The following VPS16 variants were observed in gnomAD, a reference collection of about 807,000 sequenced individuals.
VPS16 encodes the protein vacuolar protein sorting-associated protein 16 homolog.
VPS16 carries 82 observed loss-of-function variants against 116.0 expected under a neutral mutation model. That is an observed-to-expected ratio of 0.71 (90% CI 0.59 to 0.85). The LOEUF is 0.85. Ranked by LOEUF, VPS16 falls within the 40% of genes least tolerant of loss-of-function variation. The pLI is 0.00. For missense variants in VPS16, 928 were observed against 1,090.6 expected (o/e 0.85, Z 2.10); for synonymous variants, 406 against 420.7 (o/e 0.96, Z 0.43).
In VPS16 at chr20:2,865,792, G is replaced by A; in HGVS notation, c.2271+297G>A. The A allele has an allele frequency of 2.0e-6, 1 of 492,346 alleles. No homozygotes were observed. The highest frequency in any genetic ancestry group is 3.7e-6 in the Non-Finnish European group (1 of 273,418). 30.5% of individuals were successfully genotyped at this position (492,346 alleles called of 1,614,324 possible). A position where few individuals can be genotyped will look rare whatever the true frequency, so the allele number is the denominator to read the frequency against. On this transcript the variant is annotated intron_variant, in intron 22 of 23. Transcript: ENST00000380445. This position sits in a 1 kb window ranked among gnomAD's most constrained non-coding sequence, Gnocchi z 5.2. ...AGGGAAAGTCTTGTCTGAGGAGGGTGGAGGGGGCACAGGGAGGGTGCATAT... is the reference window on the plus strand; with the variant it reads ...AGGGAAAGTCTTGTCTGAGGAGGGTAGAGGGGGCACAGGGAGGGTGCATAT...
chr20:2,845,007 G>GTTGTGT (rs1555795973), intron 1 of VPS16, among the ~76,000 whole-genome samples: 2 of 144,014 alleles, frequency 1.4e-5, no homozygotes, highest in Non-Finnish European at 3.0e-5. Context: ...ATTTGCAAGG[G>GTTGTGT]GTGTGTGTGT....
In VPS16 at chr20:2,860,338, G is replaced by C. The variant is rs1231698551; in HGVS notation, c.340G>C (p.Asp114His). Residue 114 changes from aspartate to histidine, a missense_variant, in exon 4 of 24, where the codon GAC becomes CAC. Coordinates refer to ENST00000380445, the MANE Select transcript of VPS16 (RefSeq NM_022575.4). This position sits in a 1 kb window ranked among gnomAD's most constrained non-coding sequence, Gnocchi z 6.1. The stretch of plus-strand genomic sequence containing the variant: ...TGTACTGGTTTATGGGCTTCATGGT[G>C]ACTTCCGGAGACACTTCAGCATGGG... ...GAVLVYGLHG[D>H]FRRHFSMGNE... is the part of the protein sequence containing the mutation. 4.3e-6 allele frequency: 7 copies of C among 1,614,088 alleles called. No individual in the cohort carries two copies.
At chr20:2,844,678 G>A (rs1157406199) in intron 1 of VPS16, among the ~76,000 whole-genome samples, 1 of 152,208 alleles carries the variant, frequency 6.6e-6, no homozygotes, top group Non-Finnish European at 1.5e-5. Flanking sequence ...GACTCCAGGA[G>A]TCAAAGGTAG....
rs1161663582 is a variant in VPS16, at chr20:2,862,830, C to T, written c.1227C>T (p.Phe409=). 7 of 1,614,098 alleles carry T rather than the reference C, an allele frequency of 4.3e-6. No homozygotes were observed. In the South Asian group the frequency reaches 7.7e-5, roughly 18 times the overall value. ...LLRAASFGKC[F]LDRFPPDSFV... ...AGGCCGCCTCCTTCGGAAAGTGTTT[C>T]CTGGACAGATTTCCACCCGACAGCT... The change falls in exon 13 of 24, where the codon TTC becomes TTT. Residue 409 remains phenylalanine (F), a synonymous_variant. Coordinates refer to ENST00000380445, the MANE Select transcript of VPS16 (RefSeq NM_022575.4).
intron 1 of VPS16, chr20:2,841,266 G>C (rs2088970165): frequency 4.9e-6 from 1 of 204,640 alleles, no homozygotes; most frequent in Non-Finnish European, 1.0e-5. Context: ...CGGAACAGCG[G>C]AAGTGGGAAC....
chr20:2,849,628 T>G, intron 1 of VPS16, among the ~76,000 whole-genome samples: 1 of 150,864 alleles, frequency 6.6e-6, no homozygotes, highest in African/African-American at 2.5e-5. Context: ...GGGGGGTGGG[T>G]GCTGTTAGAG....
chr20:2,866,048 G>C, intron 22 of VPS16, 164 bp from the exon 23 acceptor site: 1 of 658,232 alleles, frequency 1.5e-6, no homozygotes, highest in Non-Finnish European at 2.7e-6. Context: ...AGAATGTTGA[G>C]ATCACAACTG....
chr20:2,850,823 A>C (rs1488837413), intron 1 of VPS16, among the ~76,000 whole-genome samples: 3 of 150,950 alleles, frequency 2.0e-5, no homozygotes, highest in African/African-American at 2.4e-5. Flanking sequence ...AACAAAAAAA[A>C]CAGCTGGGCA....
intron 1 of VPS16, among the ~76,000 whole-genome samples, chr20:2,841,508 C>T (rs2088974109): frequency 6.6e-6 from 1 of 152,246 alleles, no homozygotes; most frequent in African/African-American, 2.4e-5. Context: ...CGCAGAATTA[C>T]AAGGCCCTAA....
intron 1 of VPS16, among the ~76,000 whole-genome samples, chr20:2,841,739 C>T (rs1331522656): frequency 6.6e-6 from 1 of 151,366 alleles, no homozygotes; most frequent in African/African-American, 2.4e-5. Flanking sequence ...TTCTGCTAAA[C>T]CAGGCTCCTT....
In VPS16 at chr20:2,864,457, C is replaced by G. The variant is rs1265105586; in HGVS notation, c.1813C>G (p.Arg605Gly). Reference protein sequence around the residue: ...RNQPMALSLYRQFCKHQELET... With the variant: ...RNQPMALSLYGQFCKHQELET... ...TCAGCCCATGGCCCTCAGTTTGTACCGACAGGTGTGTGTAGTGGGCAGGGT... is the reference window on the plus strand; with the variant it reads ...TCAGCCCATGGCCCTCAGTTTGTACGGACAGGTGTGTGTAGTGGGCAGGGT... Residue 605 changes from arginine (R) to glycine (G), a missense_variant, in exon 18 of 24, where the codon CGA (arginine) becomes GGA (glycine). By Grantham distance (125) the Arg-to-Gly change is moderately radical. Transcript: ENST00000380445. This position sits in a 1 kb window ranked among gnomAD's most constrained non-coding sequence, Gnocchi z 5.2. 6.2e-7 allele frequency: 1 copy of G among 1,614,102 alleles called. No homozygotes were observed. The highest frequency in any genetic ancestry group is 2.2e-5 in the East Asian group (1 of 44,874).
At chr20:2,844,993 T>A (rs2089043902) in intron 1 of VPS16, among the ~76,000 whole-genome samples, 1 of 147,838 alleles carries the variant, frequency 6.8e-6, no homozygotes, top group Non-Finnish European at 1.5e-5. Context: ...GTTGATGTAA[T>A]TGGATTTGCA....
Position 2,850,120 on chromosome 20 carries a change from G to C in VPS16, c.53+9293G>C, listed in dbSNP as rs548178102. Reference sequence around the variant, plus strand: ...GTGGGTCAGCTGGGGTCAGGAGTTCGAGACCAGCCTGGCCAACATGGCAAA... The same window carrying C: ...GTGGGTCAGCTGGGGTCAGGAGTTCCAGACCAGCCTGGCCAACATGGCAAA... On this transcript the variant is annotated intron_variant, in intron 1 of 23. Coordinates refer to ENST00000380445, the MANE Select transcript of VPS16 (RefSeq NM_022575.4). 3.4e-4 allele frequency among the ~76,000 whole-genome samples: 51 copies of C among 152,210 alleles called. 1 individual carries two copies. In the South Asian group the frequency reaches 0.011, roughly 32 times the overall value.
At chr20:2,861,578 G>A (rs529007157) in intron 8 of VPS16, 37 bp from the exon 9 acceptor site, 3 of 1,575,974 alleles carry the variant, frequency 1.9e-6, no homozygotes, top group African/African-American at 1.3e-5. Context: ...CATGGCCATG[G>A]GACAGTGTCT....
rs2089252297 is a variant in VPS16 at position 2,862,866 on chromosome 20, G to A, written c.1263G>A (p.Met421Ile). 1.2e-6 allele frequency: 2 copies of A among 1,614,152 alleles called. No individual in the cohort carries two copies. Among genetic ancestry groups the A allele is most frequent in the Non-Finnish European group, 1.7e-6 (2 of 1,180,032 alleles). The change falls in exon 13 of 24, where the codon ATG (methionine) becomes ATA (isoleucine). Residue 421 changes from methionine (M) to isoleucine (I), a missense_variant. Coordinates refer to ENST00000380445, the MANE Select transcript of VPS16 (RefSeq NM_022575.4). ...TTCCACCCGACAGCTTCGTGCACAT[G>A]TGTCAGGACCTGCGTGTGCTCAATG... ...DRFPPDSFVH[M>I]CQDLRVLNAV...
At chr20:2,856,802 C>T (rs898454025) in intron 1 of VPS16, among the ~76,000 whole-genome samples, 1 of 152,162 alleles carries the variant, frequency 6.6e-6, no homozygotes, top group Non-Finnish European at 1.5e-5. Flanking sequence ...CCATCCTCTT[C>T]CATTGATCTA....
rs1438553117 is a variant in VPS16 at position 2,866,486 on chromosome 20, G to C, written c.2432G>C (p.Ser811Thr). ...AIEHRNEAEL[S>T]LVLSHCTGAT... ...GAACACCGGAATGAGGCTGAGCTGA[G>C]CCTCGTATTGTCCCACTGCACGGGA... Residue 811 changes from serine (S) to threonine (T), a missense_variant, in exon 24 of 24, where the codon AGC becomes ACC. Coordinates refer to ENST00000380445, the MANE Select transcript of VPS16 (RefSeq NM_022575.4). 1.9e-6 allele frequency: 3 copies of C among 1,614,192 alleles called. No homozygotes were observed. In the South Asian group the frequency reaches 3.3e-5, roughly 18 times the overall value.
intron 1 of VPS16, 117 bp from the exon 2 acceptor site, chr20:2,859,602 G>A (rs1269592928): frequency 1.1e-5 from 13 of 1,198,858 alleles, no homozygotes; most frequent in Non-Finnish European, 1.5e-5. Flanking sequence ...GTAGAGAGTG[G>A]AGACTTCCTC....
chr20:2,843,644 A>G (rs979589936), intron 1 of VPS16, among the ~76,000 whole-genome samples: 2 of 152,216 alleles, frequency 1.3e-5, no homozygotes, highest in Admixed American at 6.5e-5. Flanking sequence ...TACTTGTATT[A>G]TTTTGAAGAT....
Sources: allele counts gnomAD v4.1 joint callset (sites outside exome capture counted in the v4.1 genomes callset), GRCh38; gene constraint gnomAD v4.1.1; non-coding constraint Gnocchi (gnomAD v3.1); transcripts MANE v1.5; gene names NCBI Gene and HGNC (gene_info 2026-07-23, HGNC 2026-07-21).